The following ATP11B variants were observed in gnomAD, a reference collection of about 807,000 sequenced individuals.
ATP11B encodes phospholipid-transporting ATPase IF.
ATP11B carries 81 observed loss-of-function variants against 157.8 expected under a neutral mutation model. The observed-to-expected ratio is 0.51, with a 90% CI of 0.43 to 0.62. The LOEUF (loss-of-function observed/expected upper bound fraction) is 0.62, where lower values mean the gene tolerates loss of function less well. ATP11B is among the 20% of genes least tolerant of loss of function. The pLI, the probability that ATP11B is intolerant of heterozygous loss-of-function variation, is 0.00. For synonymous variants in ATP11B, 451 were observed against 469.4 expected, an observed-to-expected ratio of 0.96 and a Z score of 0.51; for missense variants, 1,165 against 1,402.2, an observed-to-expected ratio of 0.83 and a Z score of 2.70.
rs762001381 is a variant in ATP11B at position 182,865,543 on chromosome 3, C to G, written c.1288C>G (p.Gln430Glu). 40 of 1,613,596 alleles carry G rather than the reference C, an allele frequency of 2.5e-5. No homozygotes were observed. In the South Asian group the frequency reaches 2.9e-4, roughly 12 times the overall value. ...RECSINGMKYQEINGRLVPEG... is the reference protein window; with the variant it reads ...RECSINGMKYEEINGRLVPEG... ...ATGTTCAATTAATGGCATGAAATAC[C>G]AAGAAATTAATGGTAGACTTGTACC... is the stretch of plus-strand genomic sequence containing the variant. Residue 430 changes from glutamine (Q) to glutamate (E), a missense_variant, in exon 13 of 30, where the codon CAA becomes GAA. By Grantham distance (29) the Gln-to-Glu change is conservative. Coordinates refer to ENST00000323116, the MANE Select transcript of ATP11B (RefSeq NM_014616.3).
At chr3:182,799,449 T>G (rs1200143728) in intron 1 of ATP11B, among the ~76,000 whole-genome samples, 1 of 152,070 alleles carries the variant, frequency 6.6e-6, no homozygotes, top group African/African-American at 2.4e-5. Flanking sequence ...GCTAATTTTT[T>G]GTATTTTTAG....
At chr3:182,852,533 G>A (rs1164489597) in intron 10 of ATP11B, among the ~76,000 whole-genome samples, 1 of 152,190 alleles carries the variant, frequency 6.6e-6, no homozygotes, top group Non-Finnish European at 1.5e-5. Context: ...ATTGGCCCAA[G>A]ATGAAACAGA....
rs190219343 is a variant in ATP11B at position 182,816,962 on chromosome 3, C to T, written c.28-3298C>T. Among the ~76,000 whole-genome samples, 495 of 151,958 alleles carry T rather than the reference C, an allele frequency of 3.3e-3. 1 individual carries two copies. The highest frequency in any genetic ancestry group is 5.6e-3 in the Admixed American group (86 of 15,260). On this transcript the variant is annotated intron_variant, in intron 1 of 29. Transcript: ENST00000323116. ...GAACTGAAGTTATAAGTTTAATTTC[C>T]GTAAGGGACATTTGGCTGTACTTAT...
intron 7 of ATP11B, 108 bp downstream of exon 7, chr3:182,837,282 G>T (rs1030318683): frequency 6.8e-5 from 53 of 781,182 alleles, no homozygotes; most frequent in Non-Finnish European, 9.7e-5. Context: ...GACTGTATTT[G>T]TGGGGTGGGT....
At chr3:182,794,453 C>T (rs1203843434) in intron 1 of ATP11B, among the ~76,000 whole-genome samples, 1 of 152,184 alleles carries the variant, frequency 6.6e-6, no homozygotes. Context: ...CTGTCGTTTC[C>T]TTCCTACCTC....
At chr3:182,795,099 G>A (rs2108476323) in intron 1 of ATP11B, among the ~76,000 whole-genome samples, 1 of 151,872 alleles carries the variant, frequency 6.6e-6, no homozygotes, top group South Asian at 2.1e-4. Context: ...TTGGGTCTCT[G>A]TTTTTAGCAT....
intron 15 of ATP11B, 55 bp from the exon 16 acceptor site, chr3:182,869,023 T>C: frequency 8.8e-7 from 1 of 1,131,014 alleles, no homozygotes. Flanking sequence ...TATAGTCACT[T>C]AATATTATTT....
intron 10 of ATP11B, 139 bp from the exon 11 acceptor site, chr3:182,857,739 A>T: frequency 2.0e-6 from 1 of 496,872 alleles, no homozygotes. Flanking sequence ...TCTTGAAAAC[A>T]AAAGCTGTGT....
chr3:182,913,513 C>T (rs1377064134), intron 28 of ATP11B, among the ~76,000 whole-genome samples: 1 of 152,198 alleles, frequency 6.6e-6, no homozygotes, highest in African/African-American at 2.4e-5. Flanking sequence ...TAAAGAAAAA[C>T]TCCATGCAGA....
At chr3:182,878,281 A>G (rs535171610) in intron 19 of ATP11B, among the ~76,000 whole-genome samples, 4 of 152,332 alleles carry the variant, frequency 2.6e-5, no homozygotes, top group Non-Finnish European at 5.9e-5. Context: ...ATATATGTTT[A>G]GCTTTTATAG....
intron 25 of ATP11B, 25 bp downstream of exon 25, chr3:182,889,573 A>G: frequency 2.0e-6 from 3 of 1,501,030 alleles, no homozygotes; most frequent in Non-Finnish European, 2.7e-6. Flanking sequence ...TTTTTTAAAG[A>G]ATGCTTGTTA....
At chr3:182,845,670 G>A in intron 9 of ATP11B, 148 bp downstream of exon 9, 1 of 589,730 alleles carries the variant, frequency 1.7e-6, no homozygotes, top group Non-Finnish European at 2.8e-6. Context: ...TTGTATTACA[G>A]TAGTCGTGTA....
At chr3:182,871,335 A>T (rs1356296598) in intron 17 of ATP11B, among the ~76,000 whole-genome samples, 1 of 152,210 alleles carries the variant, frequency 6.6e-6, no homozygotes, top group Non-Finnish European at 1.5e-5. Flanking sequence ...GGTTTTCTTG[A>T]GGAAAATGCA....
At chr3:182,799,555 G>A (rs1382183329) in intron 1 of ATP11B, among the ~76,000 whole-genome samples, 6 of 152,004 alleles carry the variant, frequency 3.9e-5, no homozygotes, top group Admixed American at 2.0e-4. Context: ...GATTACAGGC[G>A]TCAGCCACCA....
At chr3:182,914,180 A>C (rs1247077887) in intron 29 of ATP11B, 186 bp downstream of exon 29, 2 of 1,403,830 alleles carry the variant, frequency 1.4e-6, no homozygotes, top group Non-Finnish European at 1.8e-6. Flanking sequence ...GGGCTTTTTC[A>C]CTCACAAAGG....
At chr3:182,898,865 A>C (rs968245731) in intron 28 of ATP11B, 93 bp downstream of exon 28, 1 of 878,748 alleles carries the variant, frequency 1.1e-6, no homozygotes, top group African/African-American at 1.8e-5. Flanking sequence ...GTCAGAAAAT[A>C]GGAAATTAGC....
chr3:182,894,457 A>C (rs1723387173), intron 25 of ATP11B, among the ~76,000 whole-genome samples: 1 of 152,148 alleles, frequency 6.6e-6, no homozygotes, highest in African/African-American at 2.4e-5. Context: ...AAGTGCTGGA[A>C]TTACAGGTGT....
Position 182,793,646 on chromosome 3 carries a change from T to C in ATP11B, c.-114T>C. 1.7e-6 allele frequency: 1 copy of C among 573,570 alleles called. No individual in the cohort carries two copies. The highest frequency in any genetic ancestry group is 2.7e-6 in the Non-Finnish European group (1 of 374,986). 35.5% of individuals were successfully genotyped at this position (573,570 alleles called of 1,614,324 possible). A position where few individuals can be genotyped will look rare whatever the true frequency, so the allele number is the denominator to read the frequency against. On this transcript the variant is annotated 5_prime_UTR_variant, in exon 1 of 30. Transcript: ENST00000323116. ...AGTGAGGCAGTGGCGGCGGCGGCGG[T>C]AAGCGGAACTTCGGCCCGAGGGGCT...
chr3:182,811,761 C>T (rs1006746010), intron 1 of ATP11B, among the ~76,000 whole-genome samples: 2 of 152,112 alleles, frequency 1.3e-5, no homozygotes, highest in African/African-American at 4.8e-5. Context: ...GTTTATATTA[C>T]ATTGTATGTA....
Sources: gnomAD v4.1 joint callset for allele counts (sites outside exome capture counted in the v4.1 genomes callset) on GRCh38, gnomAD v4.1.1 for gene constraint, MANE v1.5 for transcripts, NCBI Gene and HGNC (gene_info 2026-07-23, HGNC 2026-07-21) for gene names.